Variants in ARMCX4 observed in about 807,000 individuals in gnomAD.
ARMCX4 encodes armadillo repeat containing X-linked 4, also known as armadillo repeat-containing X-linked protein 4.
Under a neutral mutation model 34.7 loss-of-function variants are expected in ARMCX4, and 3 were observed. The observed-to-expected ratio is 0.09, with a 90% CI of 0.04 to 0.22. The LOEUF (loss-of-function observed/expected upper bound fraction) is 0.22. ARMCX4 is among the 10% of genes least tolerant of loss of function. The probability of loss-of-function intolerance (pLI) is 1.00; values close to 1 mark genes in which losing one functional copy is unlikely to be tolerated. For missense variants in ARMCX4, 1,448 were observed against 1,720.8 expected, an observed-to-expected ratio of 0.84 and a Z score of 2.81; for synonymous variants, 513 against 632.8, an observed-to-expected ratio of 0.81 and a Z score of 2.84.
In ARMCX4 at chrX:101,490,370, C is replaced by G. The variant is rs1437146198; in HGVS notation, c.1781C>G (p.Ala594Gly). ...QRVCGQPLVV[A>G]NPQGEALPGA... The stretch of plus-strand genomic sequence containing the variant: ...GTCTGTGGTCAGCCCCTGGTTGTGG[C>G]CAATCCCCAGGGTGAGGCCTTGCCT... Residue 594 changes from alanine (A) to glycine (G), a missense_variant, in exon 6 of 6, where the codon GCC becomes GGC. By Grantham distance (60) the Ala-to-Gly change is moderately conservative. This residue lies in a region of ARMCX4 where 1,343 missense variants were observed against 1,540.7 expected (regional missense o/e 0.87). Coordinates refer to ENST00000423738, the MANE Select transcript of ARMCX4 (RefSeq NM_001256155.3). 1 of 1,155,959 alleles carries G rather than the reference C, an allele frequency of 8.7e-7. No individual in the cohort carries two copies. The highest frequency in any genetic ancestry group is 1.8e-5 in the African/African-American group (1 of 56,370).
intron 7 of ARMCX4, among the ~76,000 whole-genome samples, chrX:101,503,016 A>T (rs1377729079): frequency 1.1e-5 from 1 of 94,550 alleles, no homozygotes; most frequent in Non-Finnish European, 2.0e-5. Context: ...ATTCCCACCT[A>T]TGAGTGAGAA....
chrX:101,528,894 A>T (rs1935050337), intron 11 of ARMCX4, among the ~76,000 whole-genome samples: 1 of 111,603 alleles, frequency 9.0e-6, no homozygotes, highest in South Asian at 3.8e-4. Flanking sequence ...ATATCTTCAA[A>T]ATGGCCATAC....
In ARMCX4 at chrX:101,501,344, G is replaced by T. The variant is rs150786521; in HGVS notation, c.*1177+1978G>T. 1.2e-3 allele frequency among the ~76,000 whole-genome samples: 132 copies of T among 113,194 alleles called. 2 individuals carry two copies. The East Asian group carries it at 0.033, about 29-fold the overall frequency. ...GAACTCCAAAAGTGGGGCTTAGCCC[G>T]GGAGGGTTCTTGGCTTCACTCAGGA... is the stretch of plus-strand genomic sequence containing the variant. On this transcript the variant is annotated intron_variant and NMD_transcript_variant, in intron 7 of 12. Coordinates refer to the ARMCX4 transcript ENST00000354842.
Position 101,495,302 on chromosome X carries a change from G to A in ARMCX4, c.6713G>A (p.Arg2238Lys). Residue 2238 changes from arginine (R) to lysine (K), a missense_variant, in exon 6 of 6, where the codon AGA becomes AAA. By Grantham distance (26) the Arg-to-Lys change is conservative (BLOSUM62 2). Coordinates refer to ENST00000423738, the MANE Select transcript of ARMCX4 (RefSeq NM_001256155.3). ...LFENINYHFK[R>K]RAKAFTQDKF... ...GAAAATATAAATTACCATTTTAAAA[G>A]AAGAGCAAAAGCATTTACCCAGGAC... 1 of 1,144,276 alleles carries A rather than the reference G, an allele frequency of 8.7e-7. No homozygotes were observed. The allele number at this position is 1,144,276 out of a possible 1,213,427, so 94.3% of individuals were successfully genotyped here. A position where few individuals can be genotyped will look rare whatever the true frequency, so the allele number is the denominator to read the frequency against.
chrX:101,423,436 C>T (rs1253015878), intron 2 of ARMCX4, among the ~76,000 whole-genome samples: 1 of 105,533 alleles, frequency 9.5e-6, no homozygotes, highest in Non-Finnish European at 1.9e-5. Flanking sequence ...TGACCAACAT[C>T]GTGAAACCCC....
chrX:101,442,555 A>G (rs2147565621), intron 2 of ARMCX4, among the ~76,000 whole-genome samples: 1 of 111,695 alleles, frequency 9.0e-6, no homozygotes, highest in South Asian at 3.8e-4. Flanking sequence ...GGTCCTGACC[A>G]TGGGGGACTT....
intron 11 of ARMCX4, among the ~76,000 whole-genome samples, chrX:101,514,138 T>C (rs1443069414): frequency 1.8e-5 from 2 of 111,170 alleles, no homozygotes; most frequent in East Asian, 5.6e-4. Flanking sequence ...AATGGAATCA[T>C]TGTTGAGTTT....
intron 4 of ARMCX4, among the ~76,000 whole-genome samples, chrX:101,480,123 GACACACACACACACACACACACAC>G (rs57237822): frequency 1.3e-5 from 1 of 76,700 alleles, no homozygotes; most frequent in Non-Finnish European, 2.6e-5. Flanking sequence ...AGGATTTGGA[GACACACACACACACACACACACAC>G]ACACACACAC....
intron 2 of ARMCX4, among the ~76,000 whole-genome samples, chrX:101,432,698 A>G (rs1322799985): frequency 2.8e-5 from 3 of 106,790 alleles, no homozygotes; most frequent in African/African-American, 1.0e-4. Context: ...ACGTATATAT[A>G]CACATATATA....
chrX:101,516,582 T>C (rs1934749280), intron 11 of ARMCX4: 1 of 111,296 alleles, frequency 9.0e-6, no homozygotes, highest in African/African-American at 3.3e-5. Flanking sequence ...TACGGTAATT[T>C]TGGAGTCCTA....
At chrX:101,511,852 G>A (rs782290542) in intron 11 of ARMCX4, among the ~76,000 whole-genome samples, 2 of 111,254 alleles carry the variant, frequency 1.8e-5, no homozygotes, top group East Asian at 2.8e-4. Flanking sequence ...GAGGCTGAGC[G>A]AGGGAAAGGA....
At chrX:101,482,488 A>C (rs1933495312), upstream of ARMCX4, among the ~76,000 whole-genome samples, 1 of 110,595 alleles carries the variant, frequency 9.0e-6, no homozygotes, top group African/African-American at 3.3e-5. Context: ...TGAATTCCTA[A>C]GCTCAAACAA....
Position 101,495,507 on chromosome X carries a change from G to A in ARMCX4, c.*45G>A. 1 of 1,074,181 alleles carries A rather than the reference G, an allele frequency of 9.3e-7. No homozygotes were observed. The highest frequency in any genetic ancestry group is 1.2e-6 in the Non-Finnish European group (1 of 832,038). 88.5% of individuals were successfully genotyped at this position (1,074,181 alleles called of 1,213,427 possible). ...CAAATTTGAGTAATATTTTGGTTTT[G>A]CACTCTGGAAGTAATGCACATTGTA... On this transcript the variant is annotated 3_prime_UTR_variant, in exon 6 of 6. Transcript: ENST00000423738.
At chrX:101,430,414 A>G (rs192920733) in intron 2 of ARMCX4, among the ~76,000 whole-genome samples, 70 of 112,617 alleles carry the variant, frequency 6.2e-4, no homozygotes, top group Non-Finnish European at 3.8e-4. Flanking sequence ...AATAAACACT[A>G]TTGGATTTTG....
Position 101,491,876 on chromosome X carries a change from A to G in ARMCX4, c.3287A>G (p.Tyr1096Cys). ...ACTCAGCCTAACATCCATGACTACTACTGGAATGGGATTGGTGTTGAAGAC... is the reference window on the plus strand; with the variant it reads ...ACTCAGCCTAACATCCATGACTACTGCTGGAATGGGATTGGTGTTGAAGAC... ...RKTQPNIHDYYWNGIGVEDWI... is the reference protein window; with the variant it reads ...RKTQPNIHDYCWNGIGVEDWI... Residue 1096 changes from tyrosine (Y) to cysteine (C), a missense_variant, in exon 6 of 6, where the codon TAC (tyrosine) becomes TGC (cysteine). Physicochemically the swap from Tyr to Cys is radical, Grantham distance 194. This residue lies in a region of ARMCX4 where 1,343 missense variants were observed against 1,540.7 expected (regional missense o/e 0.87). Transcript: ENST00000423738. 1 of 1,155,029 alleles carries G rather than the reference A, an allele frequency of 8.7e-7. No homozygotes were observed. The highest frequency in any genetic ancestry group is 1.1e-6 in the Non-Finnish European group (1 of 871,917).
At position 101,505,764 on chromosome X, in the gene ARMCX4, A is replaced by C. The variant is rs1276202751; in HGVS notation, c.*1596+409A>C. ...AACATTTACCATCTTCACCATTTTT[A>C]GGTGTACAGTTCAGTGACATTAAAT... is the stretch of plus-strand genomic sequence containing the variant. On this transcript the variant is annotated intron_variant and NMD_transcript_variant, in intron 8 of 12. Transcript: ENST00000354842. Among the ~76,000 whole-genome samples the C allele has an allele frequency of 2.7e-5, 3 of 112,565 alleles. No individual in the cohort carries two copies. The East Asian group carries it at 8.3e-4, about 31-fold the overall frequency.
intron 4 of ARMCX4, among the ~76,000 whole-genome samples, chrX:101,473,091 C>G (rs1338412834): frequency 9.0e-6 from 1 of 110,648 alleles, no homozygotes; most frequent in East Asian, 2.8e-4. Context: ...CACATAGGCT[C>G]AAAATAAAGG....
At chrX:101,523,350 G>A (rs1556019585) in intron 11 of ARMCX4, among the ~76,000 whole-genome samples, 1 of 111,998 alleles carries the variant, frequency 8.9e-6, no homozygotes, top group African/African-American at 3.3e-5. Context: ...GTGGCTGAAT[G>A]AGGTGGTGGA....
intron 7 of ARMCX4, among the ~76,000 whole-genome samples, chrX:101,504,072 T>G (rs1474099110): frequency 9.1e-6 from 1 of 109,543 alleles, no homozygotes; most frequent in Non-Finnish European, 1.9e-5. Flanking sequence ...GTTTTTGTCA[T>G]GTTTGTCAAA....
Sources: gnomAD v4.1 joint callset for allele counts (sites outside exome capture counted in the v4.1 genomes callset) on GRCh38, gnomAD v4.1.1 for gene constraint, gnomAD v4.1.1 regional missense constraint, MANE v1.5 for transcripts, NCBI Gene and HGNC (gene_info 2026-07-23, HGNC 2026-07-21) for gene names.